The following SORL1 variants were observed in gnomAD, a reference collection of about 807,000 sequenced individuals.
SORL1 encodes sortilin related receptor 1, also known as sortilin-related receptor.
SORL1 carries 127 observed loss-of-function variants against 273.7 expected under a neutral mutation model. The ratio of observed to expected loss-of-function variants is 0.46; its 90% CI spans 0.40 to 0.54. SORL1 has a LOEUF of 0.54. SORL1 is among the 20% of genes least tolerant of loss of function. The pLI, the probability that SORL1 is intolerant of heterozygous loss-of-function variation, is 0.00. For missense variants in SORL1, 2,494 were observed against 2,846.1 expected (o/e 0.88, Z 2.81); for synonymous variants, 1,031 against 1,067.4 (o/e 0.97, Z 0.66).
At chr11:121,623,758 C>A (rs772010249) in intron 45 of SORL1, among the ~76,000 whole-genome samples, 1 of 152,170 alleles carries the variant, frequency 6.6e-6, no homozygotes, top group African/African-American at 2.4e-5. Flanking sequence ...GGTTAAGATT[C>A]TAGGTTAGTA....
chr11:121,549,814 T>C (rs1271214123), intron 14 of SORL1, 146 bp from the exon 15 acceptor site: 16 of 543,124 alleles, frequency 2.9e-5, no homozygotes, highest in Non-Finnish European at 3.9e-5. Flanking sequence ...ATGTATTTTA[T>C]ATAAAAAGTA....
At chr11:121,551,955 G>A (rs1862513487) in intron 16 of SORL1, among the ~76,000 whole-genome samples, 1 of 152,168 alleles carries the variant, frequency 6.6e-6, no homozygotes. Flanking sequence ...TGCTCTTGAG[G>A]GGCTGGAGTG....
chr11:121,509,626 T>G (rs551663783), intron 6 of SORL1, among the ~76,000 whole-genome samples: 79 of 152,120 alleles, frequency 5.2e-4, no homozygotes, highest in Non-Finnish European at 1.0e-3. Context: ...ACAGGCATAC[T>G]CTACCATGCC....
intron 6 of SORL1, among the ~76,000 whole-genome samples, chr11:121,511,974 T>C (rs1251886869): frequency 6.6e-6 from 1 of 152,248 alleles, no homozygotes; most frequent in Non-Finnish European, 1.5e-5. Context: ...TATGATTATG[T>C]CCACATGAGG....
intron 1 of SORL1, among the ~76,000 whole-genome samples, chr11:121,462,111 T>C (rs928722510): frequency 6.6e-6 from 1 of 152,210 alleles, no homozygotes; most frequent in Non-Finnish European, 1.5e-5. Flanking sequence ...ACCCGCTAAC[T>C]TGTTTCAGAT....
intron 36 of SORL1, 111 bp downstream of exon 36, chr11:121,607,068 A>T: frequency 9.9e-7 from 1 of 1,010,004 alleles, no homozygotes; most frequent in South Asian, 1.3e-5. Context: ...GTGATGACCC[A>T]TCCGTCAGAA....
At chr11:121,467,549 T>C (rs926649411) in intron 1 of SORL1, among the ~76,000 whole-genome samples, 8 of 151,660 alleles carry the variant, frequency 5.3e-5, no homozygotes, top group South Asian at 2.1e-4. Flanking sequence ...ATTTTTTTTT[T>C]CTAGGTTCCT....
At chr11:121,537,054 G>A (rs1862277249) in intron 12 of SORL1, among the ~76,000 whole-genome samples, 1 of 152,160 alleles carries the variant, frequency 6.6e-6, no homozygotes, top group South Asian at 2.1e-4. Flanking sequence ...AGGTCGGAAT[G>A]CTTTTCCAGG....
intron 19 of SORL1, among the ~76,000 whole-genome samples, chr11:121,558,181 G>T (rs761340900): frequency 1.9e-4 from 29 of 152,134 alleles, no homozygotes; most frequent in Non-Finnish European, 5.9e-5. Flanking sequence ...CGCCAAATAG[G>T]ATTGTAGTGT....
At position 121,558,751 on chromosome 11, in the gene SORL1, TGCATA is replaced by T; in HGVS notation, c.2826_2830del (p.Cys942Ter). ...TTACTGGACGGATGCCTACCTGGAGTGCATAGAGCGGATCACGTTCAGTGGCCAGC... is the reference window on the plus strand; with the variant it reads ...TTACTGGACGGATGCCTACCTGGAGTGAGCGGATCACGTTCAGTGGCCAGC... On this transcript the variant is annotated frameshift_variant, in exon 20 of 48. Coordinates refer to ENST00000260197, the MANE Select transcript of SORL1 (RefSeq NM_003105.6). LOFTEE classifies it high-confidence loss of function. 6.2e-7 allele frequency: 1 copy of T among 1,614,068 alleles called. No individual in the cohort carries two copies. Among genetic ancestry groups the T allele is most frequent in the Non-Finnish European group, 8.5e-7 (1 of 1,179,980 alleles).
chr11:121,545,093 T>A, intron 13 of SORL1, 150 bp from the exon 14 acceptor site: 1 of 691,522 alleles, frequency 1.4e-6, no homozygotes, highest in Non-Finnish European at 2.5e-6. Context: ...CTGCCCAGCT[T>A]CAAAACAAGC....
At position 121,623,218 on chromosome 11, in the gene SORL1, C is replaced by T. The variant is rs75562709; in HGVS notation, c.6171+950C>T. Among the ~76,000 whole-genome samples, 685 of 152,296 alleles carry T rather than the reference C, an allele frequency of 4.5e-3. 6 individuals are homozygous for T. The highest frequency in any genetic ancestry group is 0.013 in the African/African-American group (543 of 41,566). On this transcript the variant is annotated intron_variant, in intron 45 of 47. Transcript: ENST00000260197. ...GCAAAAGGAGAAAAGTTCAACCTCA[C>T]CGGTAATCTAAATAACAAAGAGGTA...
intron 2 of SORL1, among the ~76,000 whole-genome samples, chr11:121,471,101 A>G (rs527416104): frequency 5.4e-4 from 83 of 152,340 alleles, no homozygotes; most frequent in Non-Finnish European, 1.1e-3. Flanking sequence ...TGCACATTCA[A>G]GAAACATTCT....
At position 121,596,283 on chromosome 11, in the gene SORL1, T is replaced by G. The variant is rs1813285897; in HGVS notation, c.4519+511T>G. Reference sequence around the variant, plus strand: ...CATGGGGAATAATCACAGGGCCATCTGAGCCCAGTGTGAGGTGATGCATGC... The same window carrying G: ...CATGGGGAATAATCACAGGGCCATCGGAGCCCAGTGTGAGGTGATGCATGC... On this transcript the variant is annotated intron_variant, in intron 32 of 47. Transcript: ENST00000260197. This position sits in a 1 kb window ranked among gnomAD's most constrained non-coding sequence, Gnocchi z 4.3. Among the ~76,000 whole-genome samples the G allele has an allele frequency of 6.6e-6, 1 of 152,212 alleles. No individual in the cohort carries two copies. The highest frequency in any genetic ancestry group is 1.5e-5 in the Non-Finnish European group (1 of 68,038).
intron 32 of SORL1, among the ~76,000 whole-genome samples, chr11:121,598,305 T>C (rs1258926793): frequency 6.6e-6 from 1 of 152,202 alleles, no homozygotes; most frequent in African/African-American, 2.4e-5. Flanking sequence ...TTGGAGGTAC[T>C]ATTAACAGCA....
rs142930141 is a variant in SORL1, at chr11:121,466,800, G to A, written c.286-3207G>A. ...ATGACCAGGATGTGCCTGACATCTCGCCAAGCAAAGGAGCTGAGCTGTTCC... is the reference window on the plus strand; with the variant it reads ...ATGACCAGGATGTGCCTGACATCTCACCAAGCAAAGGAGCTGAGCTGTTCC... On this transcript the variant is annotated intron_variant, in intron 1 of 47. Transcript: ENST00000260197. 3.9e-4 allele frequency among the ~76,000 whole-genome samples: 59 copies of A among 152,114 alleles called. No individual in the cohort carries two copies. The South Asian group carries it at 6.2e-3, about 16-fold the overall frequency.
intron 3 of SORL1, among the ~76,000 whole-genome samples, chr11:121,483,483 A>G (rs1316544478): frequency 1.3e-5 from 2 of 152,218 alleles, no homozygotes; most frequent in African/African-American, 4.8e-5. Flanking sequence ...TAGACTGTGG[A>G]TACATTCTAT....
In SORL1 at chr11:121,605,570, A is replaced by C. The variant is rs754139833; in HGVS notation, c.4947A>C (p.Gly1649=). 1.2e-6 allele frequency: 2 copies of C among 1,610,412 alleles called. No homozygotes were observed. The highest frequency in any genetic ancestry group is 1.3e-5 in the African/African-American group (1 of 74,830). ...TTGTGACCCTGAGGACCCCAGAGGG[A>C]TGTAAGTGTTTCAGTTAATTTTTAT... The part of the protein sequence containing the change: ...NDFVTLRTPE[G]LPDAPRNLQL... The change falls in exon 35 of 48, where the codon GGA becomes GGC. Residue 1649 remains glycine, a splice_region_variant and synonymous_variant. Transcript: ENST00000260197.
At chr11:121,474,187 A>T (rs1271510494) in intron 2 of SORL1, among the ~76,000 whole-genome samples, 3 of 152,164 alleles carry the variant, frequency 2.0e-5, no homozygotes. Flanking sequence ...GTGCTTGTTA[A>T]ACCTTGCTAC....
Sources: gnomAD v4.1 joint callset for allele counts (sites outside exome capture counted in the v4.1 genomes callset) on GRCh38, gnomAD v4.1.1 for gene constraint, Gnocchi (gnomAD v3.1) non-coding constraint, MANE v1.5 for transcripts, NCBI Gene and HGNC (gene_info 2026-07-23, HGNC 2026-07-21) for gene names.